Variants in PPP2R3A observed in about 807,000 individuals in gnomAD.
PPP2R3A encodes serine/threonine-protein phosphatase 2A regulatory subunit B'' subunit alpha.
In PPP2R3A, 80 loss-of-function variants were observed where a neutral mutation model predicts 106.9. That is an observed-to-expected ratio of 0.75 (90% CI 0.62 to 0.90). The LOEUF (loss-of-function observed/expected upper bound fraction) is 0.90, where lower values mean the gene tolerates loss of function less well. Among genes scored for constraint, PPP2R3A ranks in the 40% least tolerant of loss-of-function variants. The probability of loss-of-function intolerance (pLI) is 0.00; values close to 1 mark genes in which losing one functional copy is unlikely to be tolerated. For missense variants in PPP2R3A, 1,386 were observed against 1,350.4 expected (o/e 1.03, Z -0.41); for synonymous variants, 483 against 468.3 (o/e 1.03, Z -0.41).
chr3:136,068,494 C>T (rs1282034585), intron 5 of PPP2R3A, among the ~76,000 whole-genome samples: 1 of 152,036 alleles, frequency 6.6e-6, no homozygotes, highest in Admixed American at 6.5e-5. Flanking sequence ...GCCCTCCAGC[C>T]TGGATGACAG....
At chr3:135,990,565 A>G (rs1933117843) in intron 1 of PPP2R3A, among the ~76,000 whole-genome samples, 1 of 152,202 alleles carries the variant, frequency 6.6e-6, no homozygotes, top group African/African-American at 2.4e-5. Context: ...TTAAAAATAA[A>G]TCCGTACTTA....
At chr3:136,030,255 A>T (rs1038789710) in intron 3 of PPP2R3A, among the ~76,000 whole-genome samples, 1 of 151,114 alleles carries the variant, frequency 6.6e-6, no homozygotes, top group Non-Finnish European at 1.5e-5. Context: ...GTATATAATT[A>T]CCTGGGAAGT....
intron 4 of PPP2R3A, among the ~76,000 whole-genome samples, chr3:136,042,884 G>A (rs1323645061): frequency 2.0e-5 from 3 of 152,136 alleles, no homozygotes; most frequent in Admixed American, 2.0e-4. Flanking sequence ...GGAGCCCCAA[G>A]TGTGGCTATT....
chr3:136,046,742 A>G (rs746254267), intron 4 of PPP2R3A, among the ~76,000 whole-genome samples: 7 of 152,224 alleles, frequency 4.6e-5, no homozygotes, highest in Non-Finnish European at 7.3e-5. Context: ...CTCCCCAGCA[A>G]TGGTTGTTAA....
chr3:136,122,467 C>A (rs1018158573), intron 13 of PPP2R3A, among the ~76,000 whole-genome samples: 1 of 152,146 alleles, frequency 6.6e-6, no homozygotes, highest in African/African-American at 2.4e-5. Context: ...TGAAAGTTTA[C>A]CCTCCTGCAG....
chr3:136,008,680 G>A (rs1408713755), intron 2 of PPP2R3A, among the ~76,000 whole-genome samples: 2 of 152,082 alleles, frequency 1.3e-5, no homozygotes, highest in African/African-American at 4.8e-5. Flanking sequence ...CACAAAGTTT[G>A]GGGTACATAT....
chr3:136,146,727 A>AG lies in PPP2R3A; in HGVS notation c.*1563dup, dbSNP rs1939141915. ...AATTAAAAGCTTAAAAATAATTTTT[A>AG]GGAAACACAATATTCAAAATCTAAA... On this transcript the variant is annotated 3_prime_UTR_variant, in exon 14 of 14. Transcript: ENST00000264977. 1 of 152,206 alleles carries AG rather than the reference A, an allele frequency of 6.6e-6. No homozygotes were observed. The highest frequency in any genetic ancestry group is 2.4e-5 in the African/African-American group (1 of 41,456). The allele number at this position is 152,206 out of a possible 1,614,324, so 9.4% of individuals were successfully genotyped here.
At chr3:136,011,901 C>G (rs926220824) in intron 2 of PPP2R3A, among the ~76,000 whole-genome samples, 1 of 151,992 alleles carries the variant, frequency 6.6e-6, no homozygotes, top group South Asian at 2.1e-4. Context: ...CACCAGCGTC[C>G]TTGACTATCA....
In PPP2R3A at chr3:136,146,757, C is replaced by CTGA. The variant is rs1559948620; in HGVS notation, c.*1593_*1595dup. 1.3e-5 allele frequency: 2 copies of CTGA among 151,752 alleles called. No individual in the cohort carries two copies. The highest frequency in any genetic ancestry group is 4.8e-5 in the African/African-American group (2 of 41,292). 9.4% of individuals were successfully genotyped at this position (151,752 alleles called of 1,614,324 possible). On this transcript the variant is annotated 3_prime_UTR_variant, in exon 14 of 14. Coordinates refer to ENST00000264977, the MANE Select transcript of PPP2R3A (RefSeq NM_002718.5). ...ACACAATATTCAAAATCTAAACACA[C>CTGA]TGATAAATTATTAAGATTAAGATTA...
chr3:136,123,229 A>G (rs998750264), intron 13 of PPP2R3A, among the ~76,000 whole-genome samples: 2 of 152,182 alleles, frequency 1.3e-5, no homozygotes, highest in African/African-American at 4.8e-5. Flanking sequence ...GAGATGGACT[A>G]TATAAAACCA....
At chr3:135,998,587 TAC>T (rs146624320) in intron 1 of PPP2R3A, among the ~76,000 whole-genome samples, 4 of 151,726 alleles carry the variant, frequency 2.6e-5, no homozygotes, top group South Asian at 4.2e-4. Context: ...AAAGTATATG[TAC>T]ACACACACAC....
chr3:136,090,179 G>T (rs1937060354), intron 9 of PPP2R3A, among the ~76,000 whole-genome samples: 1 of 152,114 alleles, frequency 6.6e-6, no homozygotes, highest in South Asian at 2.1e-4. Context: ...TCTTGTTCTT[G>T]TTCTTAAGGG....
intron 2 of PPP2R3A, among the ~76,000 whole-genome samples, chr3:136,007,568 T>C (rs920518936): frequency 6.6e-6 from 1 of 152,168 alleles, no homozygotes; most frequent in Non-Finnish European, 1.5e-5. Flanking sequence ...GGGAAAGACA[T>C]CATGTGAGTG....
intron 3 of PPP2R3A, among the ~76,000 whole-genome samples, chr3:136,029,128 C>T (rs1013141145): frequency 6.6e-5 from 10 of 152,078 alleles, no homozygotes; most frequent in Non-Finnish European, 5.9e-5. Flanking sequence ...GCTGAGATTA[C>T]GCCAACAGGG....
intron 8 of PPP2R3A, among the ~76,000 whole-genome samples, chr3:136,085,371 C>T (rs1289295121): frequency 6.6e-6 from 1 of 152,164 alleles, no homozygotes; most frequent in Non-Finnish European, 1.5e-5. Flanking sequence ...GCCTCCCCAG[C>T]CATGTGGAAC....
At chr3:136,073,072 A>C (rs141753603) in intron 6 of PPP2R3A, among the ~76,000 whole-genome samples, 1,599 of 152,202 alleles carry the variant, frequency 0.011, 29 homozygotes, top group African/African-American at 0.037. Context: ...GGTTCACGCC[A>C]TTCTCCTGCC....
At position 136,003,400 on chromosome 3, in the gene PPP2R3A, G is replaced by T; in HGVS notation, c.1902G>T (p.Gln634His). Residue 634 changes from glutamine (Q) to histidine (H), a missense_variant, in exon 2 of 14, where the codon CAG becomes CAT. Transcript: ENST00000264977. ...AGGAAACCTTGACAACTTCCTCCCA[G>T]GCCAATTTATCAGTCTGTAGAAGTC... The part of the protein sequence containing the change: ...ILQETLTTSS[Q>H]ANLSVCRSPV... The T allele has an allele frequency of 6.2e-7, 1 of 1,613,966 alleles. No homozygotes were observed. Among genetic ancestry groups the T allele is most frequent in the South Asian group, 1.1e-5 (1 of 91,076 alleles).
At chr3:136,128,935 A>C (rs1938292651) in intron 13 of PPP2R3A, among the ~76,000 whole-genome samples, 1 of 152,210 alleles carries the variant, frequency 6.6e-6, no homozygotes. Flanking sequence ...ACATAACGAA[A>C]TGAAGGCAGA....
intron 5 of PPP2R3A, among the ~76,000 whole-genome samples, chr3:136,062,718 A>T (rs78524308): frequency 1.7e-4 from 4 of 23,082 alleles, no homozygotes; most frequent in Admixed American, 5.3e-4. Context: ...ACTCCATCTC[A>T]AAAAAAAAAA....
Sources: allele counts gnomAD v4.1 joint callset (sites outside exome capture counted in the v4.1 genomes callset), GRCh38; gene constraint gnomAD v4.1.1; transcripts MANE v1.5; gene names NCBI Gene and HGNC (gene_info 2026-07-23, HGNC 2026-07-21).